The following MCC variants were observed in gnomAD, a reference collection of about 807,000 sequenced individuals.
MCC encodes colorectal mutant cancer protein.
In MCC, 90 loss-of-function variants were observed where a neutral mutation model predicts 116.2. The observed-to-expected ratio is 0.77, with a 90% CI of 0.65 to 0.92. MCC has a LOEUF of 0.92. Among genes scored for constraint, MCC ranks in the 40% least tolerant of loss-of-function variants. The pLI is 0.00. For synonymous variants in MCC, 578 were observed against 510.5 expected (o/e 1.13, Z -1.78); for missense variants, 1,516 against 1,312.2 (o/e 1.16, Z -2.40).
chr5:113,040,145 A>C (rs887213078), intron 17 of MCC, among the ~76,000 whole-genome samples: 1 of 151,688 alleles, frequency 6.6e-6, no homozygotes, highest in African/African-American at 2.4e-5. Flanking sequence ...AGGGGGAACG[A>C]AATCAGACCA....
At position 113,024,137 on chromosome 5, in the gene MCC, G is replaced by A. The variant is rs1273480743; in HGVS notation, c.*3165C>T. On this transcript the variant is annotated 3_prime_UTR_variant, in exon 19 of 19. Transcript: ENST00000408903. ...AGTAGAATGTCAAGGCTCTGACTTAGAAGAGGTCCCTCTAAAATATTGCTG... is the reference window on the plus strand; with the variant it reads ...AGTAGAATGTCAAGGCTCTGACTTAAAAGAGGTCCCTCTAAAATATTGCTG... 1.3e-5 allele frequency: 2 copies of A among 151,822 alleles called. No individual in the cohort carries two copies. Among genetic ancestry groups the A allele is most frequent in the Admixed American group, 6.5e-5 (1 of 15,268 alleles). 9.4% of individuals were successfully genotyped at this position (151,822 alleles called of 1,614,324 possible). A position where few individuals can be genotyped will look rare whatever the true frequency, so the allele number is the denominator to read the frequency against.
At chr5:113,447,520 A>G (rs945057511) in intron 1 of MCC, among the ~76,000 whole-genome samples, 1 of 152,182 alleles carries the variant, frequency 6.6e-6, no homozygotes, top group African/African-American at 2.4e-5. Flanking sequence ...TGAAATCAGA[A>G]CTGGAAGAGG....
chr5:113,193,485 T>C (rs1255012374), intron 3 of MCC, among the ~76,000 whole-genome samples: 3 of 152,164 alleles, frequency 2.0e-5, no homozygotes, highest in African/African-American at 4.8e-5. Flanking sequence ...AAAAGTAACA[T>C]GTTTGTTGTC....
At chr5:113,059,280 C>A (rs1340311604) in intron 14 of MCC, among the ~76,000 whole-genome samples, 1 of 152,216 alleles carries the variant, frequency 6.6e-6, no homozygotes, top group Non-Finnish European at 1.5e-5. Context: ...CCTTCTCCTG[C>A]TTCCAGGACA....
At chr5:113,317,665 T>C (rs553559112) in intron 3 of MCC, among the ~76,000 whole-genome samples, 1 of 152,350 alleles carries the variant, frequency 6.6e-6, no homozygotes, top group African/African-American at 2.4e-5. Context: ...AGCAAAATGT[T>C]TTCCATAAAA....
intron 1 of MCC, among the ~76,000 whole-genome samples, chr5:113,476,473 C>T (rs919084482): frequency 2.0e-5 from 3 of 152,122 alleles, no homozygotes; most frequent in Admixed American, 6.5e-5. Context: ...TGGCTGTTGA[C>T]AACTGAATAT....
intron 2 of MCC, among the ~76,000 whole-genome samples, chr5:113,366,729 C>T (rs373179407): frequency 6.6e-6 from 1 of 151,928 alleles, no homozygotes; most frequent in African/African-American, 2.4e-5. Flanking sequence ...CATCTTTACT[C>T]TTTTGCTGGA....
chr5:113,058,342 T>A (rs1214711183), intron 14 of MCC, among the ~76,000 whole-genome samples: 1 of 152,070 alleles, frequency 6.6e-6, no homozygotes, highest in South Asian at 2.1e-4. Context: ...CCAAGAGGGG[T>A]CCCGGGCTGG....
At chr5:113,355,221 C>T (rs1412840780) in intron 2 of MCC, among the ~76,000 whole-genome samples, 1 of 152,198 alleles carries the variant, frequency 6.6e-6, no homozygotes, top group Non-Finnish European at 1.5e-5. Flanking sequence ...GCAAGACATG[C>T]CAACCTCAAA....
chr5:113,111,160 A>T (rs1757070465), intron 6 of MCC, among the ~76,000 whole-genome samples: 1 of 152,240 alleles, frequency 6.6e-6, no homozygotes, highest in Non-Finnish European at 1.5e-5. Flanking sequence ...GGAAAGATCC[A>T]CATATGGCAG....
rs562403775 is a variant in MCC at position 113,249,017 on chromosome 5, T to C, written c.627+91502A>G. Among the ~76,000 whole-genome samples the C allele has an allele frequency of 3.6e-4, 55 of 152,076 alleles. 1 individual carries two copies. The highest frequency in any genetic ancestry group is 7.2e-4 in the Non-Finnish European group (49 of 68,012). On this transcript the variant is annotated intron_variant, in intron 3 of 18. Transcript: ENST00000408903. ...CATCACCATGCCTGGCTAATTTTTG[T>C]ATTTTTAGTAGAGATGGGGTTTCAC...
Position 113,049,129 on chromosome 5 carries a change from G to A in MCC, c.2619C>T (p.Ser873=). The change falls in exon 16 of 19, where the codon AGC becomes AGT. Residue 873 remains serine (S), a synonymous_variant. Transcript: ENST00000408903. ...TGTCTTTGCTGCCGCTGCTGGTGGA[G>A]CTGAGGGATCGCATCCGCTGCTCCT... The part of the protein sequence containing the change: ...EQKEQRMRSL[S]STSSGSKDKP... 3 of 1,614,200 alleles carry A rather than the reference G, an allele frequency of 1.9e-6. No homozygotes were observed. The highest frequency in any genetic ancestry group is 2.2e-5 in the East Asian group (1 of 44,878).
intron 3 of MCC, among the ~76,000 whole-genome samples, chr5:113,318,024 T>C (rs1767329270): frequency 6.6e-6 from 1 of 152,178 alleles, no homozygotes; most frequent in South Asian, 2.1e-4. Context: ...GCAAATCAAT[T>C]ATGAAGAGGT....
intron 14 of MCC, among the ~76,000 whole-genome samples, chr5:113,058,529 G>A (rs992961182): frequency 2.6e-5 from 4 of 152,228 alleles, no homozygotes; most frequent in Non-Finnish European, 4.4e-5. Context: ...CTCAGGCTAA[G>A]TGGGCATTTG....
chr5:113,373,686 A>T (rs1768898005), intron 2 of MCC, among the ~76,000 whole-genome samples: 1 of 152,210 alleles, frequency 6.6e-6, no homozygotes, highest in African/African-American at 2.4e-5. Flanking sequence ...TCTTTGTTTC[A>T]TATTTTCCAT....
chr5:113,428,418 T>A (rs949298745), intron 1 of MCC, among the ~76,000 whole-genome samples: 1 of 152,166 alleles, frequency 6.6e-6, no homozygotes, highest in Non-Finnish European at 1.5e-5. Context: ...CTGAGTCCCT[T>A]CCTGGGAACT....
At position 113,025,027 on chromosome 5, in the gene MCC, AG is replaced by A. The variant is rs199899367; in HGVS notation, c.*2274del. On this transcript the variant is annotated 3_prime_UTR_variant, in exon 19 of 19. Transcript: ENST00000408903. ...GCCGCCTCTGCCTGGGGGAATTCTCAGAGAAGGGGAGGTTCTCTGATTTTAC... is the reference window on the plus strand; with the variant it reads ...GCCGCCTCTGCCTGGGGGAATTCTCAAGAAGGGGAGGTTCTCTGATTTTAC... 138,280 of 152,026 alleles carry A rather than the reference AG, an allele frequency of 0.91. 63,059 individuals are homozygous for A. Among genetic ancestry groups the A allele is most frequent in the African/African-American group, 0.97 (40,158 of 41,476 alleles). 9.4% of individuals were successfully genotyped at this position (152,026 alleles called of 1,614,324 possible).
Position 113,385,169 on chromosome 5 carries a change from ACT to A in MCC, c.212_213del (p.Glu71ValfsTer4). 1 of 1,613,894 alleles carries A rather than the reference ACT, an allele frequency of 6.2e-7. No individual in the cohort carries two copies. Among genetic ancestry groups the A allele is most frequent in the Non-Finnish European group, 8.5e-7 (1 of 1,179,998 alleles). ...LMVCRQLNME[E>X]SVAEIMNQLG... is the part of the protein sequence containing the mutation. ...AACTGGTTCATGATCTCAGCCACAG[ACT>A]CTTCCATATTCAGCTGGCGACAGAC... On this transcript the variant is annotated frameshift_variant, in exon 2 of 19. Coordinates refer to ENST00000408903, the MANE Select transcript of MCC (RefSeq NM_001085377.2). LOFTEE classifies it high-confidence loss of function.
Position 113,488,220 on chromosome 5 carries a change from G to T in MCC, c.170+25C>A, listed in dbSNP as rs201643203. On this transcript the variant is annotated intron_variant, in intron 1 of 18. Transcript: ENST00000408903. ...CGGAGGGACTGATCTCGCTCCTGTCGGTTTCCTCGTACCTCCCCGCGTACC... is the reference window on the plus strand; with the variant it reads ...CGGAGGGACTGATCTCGCTCCTGTCTGTTTCCTCGTACCTCCCCGCGTACC... 4.0e-4 allele frequency: 629 copies of T among 1,580,980 alleles called. 2 individuals are homozygous for T. In the African/African-American group the frequency reaches 7.3e-3, roughly 18 times the overall value.
Sources: allele counts gnomAD v4.1 joint callset (sites outside exome capture counted in the v4.1 genomes callset), GRCh38; gene constraint gnomAD v4.1.1; transcripts MANE v1.5; gene names NCBI Gene and HGNC (gene_info 2026-07-23, HGNC 2026-07-21).